Variants in ADAM2 observed in about 807,000 individuals in gnomAD.
ADAM2 encodes the protein ADAM metallopeptidase domain 2.
Under a neutral mutation model 99.3 loss-of-function variants are expected in ADAM2, and 101 were observed. The ratio of observed to expected loss-of-function variants is 1.02; its 90% CI spans 0.87 to 1.20. ADAM2 has a LOEUF of 1.20. Among genes scored for constraint, ADAM2 ranks in the 50% most tolerant of loss-of-function variants. The pLI is 0.00. For missense variants in ADAM2, 948 were observed against 878.7 expected (o/e 1.08, Z -1.00); for synonymous variants, 323 against 287.6 (o/e 1.12, Z -1.25).
rs980876613 is a variant in ADAM2 at position 39,778,797 on chromosome 8, C to G, written c.892-1636G>C. ...TAAATTGAAGGATTCAGCTAAATTTCAAGAAGCTAAATACTGTAGTAGTAT... is the reference window on the plus strand; with the variant it reads ...TAAATTGAAGGATTCAGCTAAATTTGAAGAAGCTAAATACTGTAGTAGTAT... On this transcript the variant is annotated intron_variant, in intron 10 of 20. Coordinates refer to ENST00000265708, the MANE Select transcript of ADAM2 (RefSeq NM_001464.5). Among the ~76,000 whole-genome samples, 16 of 152,142 alleles carry G rather than the reference C, an allele frequency of 1.1e-4. No homozygotes were observed. The East Asian group carries it at 3.1e-3, about 29-fold the overall frequency.
chr8:39,759,222 C>T (rs1802262101), intron 15 of ADAM2, among the ~76,000 whole-genome samples: 1 of 151,830 alleles, frequency 6.6e-6, no homozygotes, highest in Non-Finnish European at 1.5e-5. Context: ...TTAAAAAAAT[C>T]CAGGGTACAA....
rs753263621 is a variant in ADAM2 at position 39,809,364 on chromosome 8, C to T, written c.570+46G>A. On this transcript the variant is annotated intron_variant, in intron 7 of 20. Transcript: ENST00000265708. ...ATATTCCAAATTATTATTACAATCC[C>T]TCATTGCAAATATTAAGGGACATAA... The T allele has an allele frequency of 2.7e-5, 21 of 777,072 alleles. No individual in the cohort carries two copies. In the Admixed American group the frequency reaches 4.5e-4, roughly 16 times the overall value. The allele number at this position is 777,072 out of a possible 1,614,324, so 48.1% of individuals were successfully genotyped here. A position where few individuals can be genotyped will look rare whatever the true frequency, so the allele number is the denominator to read the frequency against.
chr8:39,809,559 A>G (rs1055034266), intron 6 of ADAM2, 93 bp from the exon 7 acceptor site: 2 of 598,656 alleles, frequency 3.3e-6, no homozygotes, highest in Non-Finnish European at 3.0e-6. Context: ...AATATTGAAA[A>G]ACACAATTTT....
chr8:39,775,032 T>G (rs1802931644), intron 11 of ADAM2, among the ~76,000 whole-genome samples: 2 of 152,154 alleles, frequency 1.3e-5, no homozygotes. Context: ...GATATCAGCA[T>G]GTATTATTGA....
chr8:39,796,482 A>G (rs1192927848), intron 7 of ADAM2, among the ~76,000 whole-genome samples: 1 of 152,146 alleles, frequency 6.6e-6, no homozygotes, highest in Non-Finnish European at 1.5e-5. Flanking sequence ...TGCTATTGTA[A>G]GTAGTGCTGC....
At chr8:39,760,748 A>AC (rs1802328053) in intron 15 of ADAM2, among the ~76,000 whole-genome samples, 1 of 151,602 alleles carries the variant, frequency 6.6e-6, no homozygotes, top group African/African-American at 2.4e-5. Flanking sequence ...ATAAAAAAAA[A>AC]ACACATTTTG....
intron 7 of ADAM2, among the ~76,000 whole-genome samples, chr8:39,803,739 A>G (rs1804312573): frequency 6.6e-6 from 1 of 152,202 alleles, no homozygotes; most frequent in African/African-American, 2.4e-5. Context: ...GACTGAAAAG[A>G]TATTTGGAGT....
At chr8:39,821,310 T>C in intron 5 of ADAM2, 140 bp from the exon 6 acceptor site, 3 of 665,406 alleles carry the variant, frequency 4.5e-6, no homozygotes, top group Non-Finnish European at 7.4e-6. Flanking sequence ...AGAAAGTTAC[T>C]GGGTATCCAC....
At chr8:39,809,180 G>T (rs905688568) in intron 7 of ADAM2, among the ~76,000 whole-genome samples, 5 of 151,936 alleles carry the variant, frequency 3.3e-5, no homozygotes, top group African/African-American at 1.2e-4. Flanking sequence ...AAAACTATTT[G>T]TAAACTATTA....
Position 39,816,660 on chromosome 8 carries a change from A to G in ADAM2, c.513+4342T>C, listed in dbSNP as rs1241969397. On this transcript the variant is annotated intron_variant, in intron 6 of 20. Coordinates refer to ENST00000265708, the MANE Select transcript of ADAM2 (RefSeq NM_001464.5). Reference sequence around the variant, plus strand: ...GGTACTGATGAGCTTTGACCACCTTATAAGTGAAAGAAGTCACAAAAGATA... The same window carrying G: ...GGTACTGATGAGCTTTGACCACCTTGTAAGTGAAAGAAGTCACAAAAGATA... Among the ~76,000 whole-genome samples the G allele has an allele frequency of 3.3e-5, 5 of 152,240 alleles. No individual in the cohort carries two copies. The East Asian group carries it at 5.8e-4, about 18-fold the overall frequency.
rs1220593513 is a variant in ADAM2, at chr8:39,836,909, T to C, written c.132+227A>G. 2.0e-5 allele frequency among the ~76,000 whole-genome samples: 3 copies of C among 152,170 alleles called. No individual in the cohort carries two copies. The East Asian group carries it at 5.8e-4, about 29-fold the overall frequency. On this transcript the variant is annotated intron_variant, in intron 2 of 20. Coordinates refer to ENST00000265708, the MANE Select transcript of ADAM2 (RefSeq NM_001464.5). Reference sequence around the variant, plus strand: ...CAAAGACATCCAAGAGGAAGACAGATTCAGAAAATGGACTTGGGGCTTTGA... The same window carrying C: ...CAAAGACATCCAAGAGGAAGACAGACTCAGAAAATGGACTTGGGGCTTTGA...
intron 11 of ADAM2, among the ~76,000 whole-genome samples, chr8:39,775,567 TAG>T (rs1802954390): frequency 6.6e-6 from 1 of 152,148 alleles, no homozygotes. Context: ...CTAAATCTAA[TAG>T]GACTCTATAT....
chr8:39,819,731 C>G (rs1176784185), intron 6 of ADAM2, among the ~76,000 whole-genome samples: 1 of 151,990 alleles, frequency 6.6e-6, no homozygotes, highest in Non-Finnish European at 1.5e-5. Context: ...GCCTGCTTAC[C>G]CTGTAGATTT....
At chr8:39,834,503 G>A (rs372881843) in intron 2 of ADAM2, among the ~76,000 whole-genome samples, 1 of 152,022 alleles carries the variant, frequency 6.6e-6, no homozygotes, top group Non-Finnish European at 1.5e-5. Flanking sequence ...GGGAAGCCAA[G>A]GCAGGCGGAT....
intron 20 of ADAM2, among the ~76,000 whole-genome samples, chr8:39,744,433 C>T (rs1298331476): frequency 6.6e-6 from 1 of 151,752 alleles, no homozygotes; most frequent in Non-Finnish European, 1.5e-5. Flanking sequence ...TCTCTCCTCC[C>T]CCCAACCCCC....
intron 7 of ADAM2, among the ~76,000 whole-genome samples, chr8:39,799,756 T>C (rs2129586285): frequency 6.6e-6 from 1 of 152,368 alleles, no homozygotes; most frequent in African/African-American, 2.4e-5. Context: ...AGTTAGCTCT[T>C]CTTGTCAAAT....
At chr8:39,783,827 C>G (rs1196917953) in intron 10 of ADAM2, among the ~76,000 whole-genome samples, 1 of 151,964 alleles carries the variant, frequency 6.6e-6, no homozygotes, top group African/African-American at 2.4e-5. Context: ...TGCCGGGCAC[C>G]TGTAGTCCCA....
intron 2 of ADAM2, among the ~76,000 whole-genome samples, chr8:39,834,311 C>G (rs889545129): frequency 3.9e-5 from 6 of 151,960 alleles, no homozygotes; most frequent in African/African-American, 1.5e-4. Flanking sequence ...CTGGGGTTTT[C>G]TATATATGGG....
chr8:39,798,472 T>C (rs1324781331), intron 7 of ADAM2, among the ~76,000 whole-genome samples: 1 of 152,228 alleles, frequency 6.6e-6, no homozygotes, highest in Non-Finnish European at 1.5e-5. Flanking sequence ...TGCATTGATG[T>C]TCATCAGGGA....
Sources: gnomAD v4.1 joint callset for allele counts (sites outside exome capture counted in the v4.1 genomes callset) on GRCh38, gnomAD v4.1.1 for gene constraint, MANE v1.5 for transcripts, NCBI Gene and HGNC (gene_info 2026-07-23, HGNC 2026-07-21) for gene names.